The following PRR27 variants were observed in gnomAD, a reference collection of about 807,000 sequenced individuals.
PRR27 encodes the protein proline-rich protein 27.
A neutral mutation model predicts 16.8 loss-of-function variants in PRR27; 12 were observed. The observed-to-expected ratio is 0.71, with a 90% CI of 0.46 to 1.16. PRR27 has a LOEUF of 1.16. PRR27 is among the 50% of genes most tolerant of loss of function. PRR27 has a pLI of 0.00. For synonymous variants in PRR27, 100 were observed against 98.4 expected, an observed-to-expected ratio of 1.02 and a Z score of -0.10; for missense variants, 277 against 273.3, an observed-to-expected ratio of 1.01 and a Z score of -0.10.
At chr4:70,156,924 G>T (rs1474646753) in intron 2 of PRR27, among the ~76,000 whole-genome samples, 1 of 151,912 alleles carries the variant, frequency 6.6e-6, no homozygotes, top group Non-Finnish European at 1.5e-5. Flanking sequence ...AACTTTTAGG[G>T]TACATGTGCA....
intron 3 of PRR27, 57 bp downstream of exon 3, chr4:70,158,957 G>C (rs1560469668): frequency 3.7e-5 from 31 of 836,196 alleles, no homozygotes; most frequent in East Asian, 7.1e-5. Flanking sequence ...TGTAGAAGGG[G>C]AAAAAAAAAA....
rs1728432902 is a variant in PRR27, at chr4:70,154,535, G to A, written c.51+109G>A. ...CTATAGTGTTTGTAATAAAGCAGCA[G>A]AGAGACATAGATGGACATGAGATTT... is the stretch of plus-strand genomic sequence containing the variant. On this transcript the variant is annotated intron_variant, in intron 1 of 4. Coordinates refer to ENST00000344526, the MANE Select transcript of PRR27 (RefSeq NM_214711.4). 4 of 951,090 alleles carry A rather than the reference G, an allele frequency of 4.2e-6. No homozygotes were observed. In the Admixed American group the frequency reaches 7.7e-5, roughly 18 times the overall value. 58.9% of individuals were successfully genotyped at this position (951,090 alleles called of 1,614,324 possible).
At position 70,158,969 on chromosome 4, in the gene PRR27, C is replaced by A. The variant is rs182924257; in HGVS notation, c.648+69C>A. ...ATTTGTAGAAGGGGAAAAAAAAAAA[C>A]CACTCCCCAAGCAAATCTATATCAA... On this transcript the variant is annotated intron_variant, in intron 3 of 4. Transcript: ENST00000344526. The A allele has an allele frequency of 1.2e-3, 1,575 of 1,285,940 alleles. 11 individuals carry two copies. In the African/African-American group the frequency reaches 0.021, roughly 17 times the overall value. The allele number at this position is 1,285,940 out of a possible 1,614,324, so 79.7% of individuals were successfully genotyped here. A position where few individuals can be genotyped will look rare whatever the true frequency, so the allele number is the denominator to read the frequency against.
At chr4:70,159,337 G>A (rs1454150067) in intron 3 of PRR27, among the ~76,000 whole-genome samples, 1 of 152,110 alleles carries the variant, frequency 6.6e-6, no homozygotes. Flanking sequence ...TTGGTTCTTT[G>A]CAGATTATTA....
chr4:70,155,958 T>A, intron 1 of PRR27, 96 bp from the exon 2 acceptor site: 1 of 733,028 alleles, frequency 1.4e-6, no homozygotes, highest in Non-Finnish European at 2.3e-6. Context: ...ACCATAAGTA[T>A]TATTAAGCTT....
At chr4:70,157,142 C>G (rs1249226635) in intron 2 of PRR27, among the ~76,000 whole-genome samples, 1 of 151,980 alleles carries the variant, frequency 6.6e-6, no homozygotes, top group African/African-American at 2.4e-5. Flanking sequence ...GGCAATATGA[C>G]TCGTGAGAAA....
Position 70,163,142 on chromosome 4 carries a change from AT to A in PRR27, c.*482del, listed in dbSNP as rs1359187866. On this transcript the variant is annotated 3_prime_UTR_variant, in exon 5 of 5. Transcript: ENST00000344526. Reference sequence around the variant, plus strand: ...ACTTAATGGACAGTTCAAATGTGACATCTACAGTTTTTCATTTCTCTTTTAT... The same window carrying A: ...ACTTAATGGACAGTTCAAATGTGACACTACAGTTTTTCATTTCTCTTTTAT... The A allele has an allele frequency of 1.3e-5, 2 of 152,192 alleles. No individual in the cohort carries two copies. Among genetic ancestry groups the A allele is most frequent in the African/African-American group, 4.8e-5 (2 of 41,444 alleles). The allele number at this position is 152,192 out of a possible 1,614,324, so 9.4% of individuals were successfully genotyped here.
rs1219724151 is a variant in PRR27 at position 70,163,676 on chromosome 4, G to T, written c.*1015G>T. On this transcript the variant is annotated 3_prime_UTR_variant, in exon 5 of 5. Transcript: ENST00000344526. ...CTCCACCCTGATCACATACACACATGCATTATCCACTGAGCAGTCACAATC... is the reference window on the plus strand; with the variant it reads ...CTCCACCCTGATCACATACACACATTCATTATCCACTGAGCAGTCACAATC... The T allele has an allele frequency of 6.6e-6, 1 of 152,102 alleles. No homozygotes were observed. Among genetic ancestry groups the T allele is most frequent in the African/African-American group, 2.4e-5 (1 of 41,380 alleles). 9.4% of individuals were successfully genotyped at this position (152,102 alleles called of 1,614,324 possible).
chr4:70,161,953 A>G (rs1195676854), intron 4 of PRR27, among the ~76,000 whole-genome samples: 1 of 152,210 alleles, frequency 6.6e-6, no homozygotes, highest in Admixed American at 6.5e-5. Context: ...GACTATACAT[A>G]GAAAGAGGCA....
At chr4:70,155,549 T>C (rs1422226457) in intron 1 of PRR27, among the ~76,000 whole-genome samples, 1 of 152,132 alleles carries the variant, frequency 6.6e-6, no homozygotes, top group Non-Finnish European at 1.5e-5. Context: ...TTTGTATCTT[T>C]AGTAGAGACG....
rs149182032 is a variant in PRR27, at chr4:70,160,409, T to TTCTCTCTCTC, written c.649-1151_649-1142dup. 1.9e-3 allele frequency among the ~76,000 whole-genome samples: 202 copies of TTCTCTCTCTC among 106,146 alleles called. 1 individual carries two copies. The highest frequency in any genetic ancestry group is 6.7e-3 in the African/African-American group (176 of 26,422). The allele number at this position is 106,146 out of a possible 152,430, so 69.6% of individuals were successfully genotyped here. A position where few individuals can be genotyped will look rare whatever the true frequency, so the allele number is the denominator to read the frequency against. On this transcript the variant is annotated intron_variant, in intron 3 of 4. Transcript: ENST00000344526. ...TTAACTCAGAGAATCTTCTGGGACT[T>TTCTCTCTCTC]TCTCTCTCTCTCTCTCTCTCTCTCT...
At chr4:70,154,742 A>G in intron 1 of PRR27, 1 of 1,344,472 alleles carries the variant, frequency 7.4e-7, no homozygotes, top group Non-Finnish European at 9.8e-7. Context: ...TCTTCAAATT[A>G]TAGAATGCTG....
At position 70,154,610 on chromosome 4, in the gene PRR27, TGTA is replaced by T; in HGVS notation, c.51+188_51+190del. On this transcript the variant is annotated intron_variant, in intron 1 of 4. Transcript: ENST00000344526. ...AATTTAAAAATCAAAATAATAAAGT[TGTA>T]GTATCTGAAAATAGATAAACAGCAA... 3.6e-6 allele frequency: 3 copies of T among 826,840 alleles called. No individual in the cohort carries two copies. In the Admixed American group the frequency reaches 7.0e-5, roughly 19 times the overall value. The allele number at this position is 826,840 out of a possible 1,614,324, so 51.2% of individuals were successfully genotyped here.
At chr4:70,155,517 C>G (rs555041970) in intron 1 of PRR27, among the ~76,000 whole-genome samples, 21 of 152,108 alleles carry the variant, frequency 1.4e-4, no homozygotes, top group Admixed American at 5.9e-4. Flanking sequence ...TACAGGCGCC[C>G]GCCACCACGC....
chr4:70,160,801 G>A (rs1211145304), intron 3 of PRR27, among the ~76,000 whole-genome samples: 3 of 151,610 alleles, frequency 2.0e-5, no homozygotes, highest in African/African-American at 4.9e-5. Flanking sequence ...TATGACCCAA[G>A]GAATTAGGCT....
At chr4:70,155,956 T>A in intron 1 of PRR27, 98 bp from the exon 2 acceptor site, 1 of 709,210 alleles carries the variant, frequency 1.4e-6, no homozygotes, top group Non-Finnish European at 2.4e-6. Flanking sequence ...TAACCATAAG[T>A]ATTATTAAGC....
At chr4:70,159,777 A>C (rs1186134278) in intron 3 of PRR27, among the ~76,000 whole-genome samples, 2 of 152,188 alleles carry the variant, frequency 1.3e-5, no homozygotes, top group Non-Finnish European at 2.9e-5. Context: ...GGAACGGATA[A>C]ATGTTTTTAT....
intron 3 of PRR27, among the ~76,000 whole-genome samples, chr4:70,161,175 T>C (rs1322836896): frequency 1.7e-5 from 2 of 117,968 alleles, no homozygotes; most frequent in Admixed American, 8.9e-5. Flanking sequence ...TATATATATA[T>C]ATATACACAC....
intron 2 of PRR27, among the ~76,000 whole-genome samples, chr4:70,156,583 A>G: frequency 6.6e-6 from 1 of 152,162 alleles, no homozygotes; most frequent in East Asian, 1.9e-4. Context: ...CCCATAAATT[A>G]TCTCTATGAG....
Sources: allele counts gnomAD v4.1 joint callset (sites outside exome capture counted in the v4.1 genomes callset), GRCh38; gene constraint gnomAD v4.1.1; transcripts MANE v1.5; gene names NCBI Gene and HGNC (gene_info 2026-07-23, HGNC 2026-07-21).